Variants in ZDBF2 observed in about 807,000 individuals in gnomAD.
The protein encoded by ZDBF2 is DBF4-type zinc finger-containing protein 2.
Under a neutral mutation model 9.4 loss-of-function variants are expected in ZDBF2, and 6 were observed. The ratio of observed to expected loss-of-function variants is 0.64; its 90% CI spans 0.35 to 1.27. ZDBF2 has a LOEUF of 1.27. Among genes scored for constraint, ZDBF2 ranks in the 50% most tolerant of loss-of-function variants. The pLI is 0.03. For synonymous variants in ZDBF2, 905 were observed against 946.3 expected, an observed-to-expected ratio of 0.96 and a Z score of 0.80; for missense variants, 2,697 against 2,766.8, an observed-to-expected ratio of 0.97 and a Z score of 0.57.
chr2:206,310,300 G>A lies in ZDBF2; in HGVS notation c.5772G>A (p.Glu1924=). 1 of 1,613,930 alleles carries A rather than the reference G, an allele frequency of 6.2e-7. No individual in the cohort carries two copies. Among genetic ancestry groups the A allele is most frequent in the Non-Finnish European group, 8.5e-7 (1 of 1,179,884 alleles). ...CATGCCATCGTCATCCTCCAGCAGA[G>A]AGGCCTCCTAAGCAAAAGGGGCGTG... ...DKPCHRHPPA[E]RPPKQKGRVA... is the part of the protein sequence containing the mutation. The change falls in exon 5 of 5, where the codon GAG becomes GAA. Residue 1924 remains glutamate (E), a synonymous_variant. Transcript: ENST00000374423.
chr2:206,283,692 C>T (rs1175030226), intron 3 of ZDBF2, among the ~76,000 whole-genome samples: 3 of 151,974 alleles, frequency 2.0e-5, no homozygotes, highest in African/African-American at 7.3e-5. Flanking sequence ...GAGACAGGGT[C>T]TTGCATTATT....
rs1394467539 is a variant in ZDBF2, at chr2:206,281,881, G to A, written c.32G>A (p.Cys11Tyr). The A allele has an allele frequency of 6.2e-7, 1 of 1,613,318 alleles. No individual in the cohort carries two copies. The highest frequency in any genetic ancestry group is 8.5e-7 in the Non-Finnish European group (1 of 1,179,590). The part of the protein sequence containing the change: MQKRQGYCSY[C>Y]RVQYNNLEQH... ...AAAAGACAAGGATATTGCAGTTATT[G>A]CCGTGTGCAGTATAATAACCTGGAA... The change falls in exon 3 of 5, where the codon TGC becomes TAC. Residue 11 changes from cysteine (C) to tyrosine (Y), a missense_variant. Physicochemically the swap from Cys to Tyr is radical, Grantham distance 194. Around this residue, in one of 3 missense-constraint regions of ZDBF2, gnomAD observed 910 missense variants for 973.6 expected, o/e 0.93. Coordinates refer to ENST00000374423, the MANE Select transcript of ZDBF2 (RefSeq NM_020923.3).
chr2:206,305,307 A>G lies in ZDBF2; in HGVS notation c.779A>G (p.Lys260Arg), dbSNP rs1212593827. Residue 260 changes from lysine to arginine, a missense_variant, in exon 5 of 5, where the codon AAA becomes AGA. Around this residue, in one of 3 missense-constraint regions of ZDBF2, gnomAD observed 910 missense variants for 973.6 expected, o/e 0.93. Coordinates refer to ENST00000374423, the MANE Select transcript of ZDBF2 (RefSeq NM_020923.3). ...SYQKHKESNR[K>R]SLRMNSDKLV... ...CAGAAACATAAAGAATCAAATAGGA[A>G]ATCTTTACGCATGAATTCAGATAAG... The G allele has an allele frequency of 6.2e-7, 1 of 1,612,570 alleles. No homozygotes were observed. Among genetic ancestry groups the G allele is most frequent in the African/African-American group, 1.3e-5 (1 of 74,998 alleles).
intron 1 of ZDBF2, among the ~76,000 whole-genome samples, chr2:206,275,507 T>A (rs1344359241): frequency 6.6e-6 from 1 of 152,188 alleles, no homozygotes; most frequent in Non-Finnish European, 1.5e-5. Context: ...GTTGTGTAAA[T>A]GTGGTCGTGT....
intron 3 of ZDBF2, among the ~76,000 whole-genome samples, chr2:206,290,545 A>G (rs934704114): frequency 1.3e-5 from 2 of 152,172 alleles, no homozygotes; most frequent in African/African-American, 2.4e-5. Flanking sequence ...GTAATTTTCA[A>G]TGTGCAAGTT....
intron 3 of ZDBF2, among the ~76,000 whole-genome samples, chr2:206,295,345 T>A (rs1468310429): frequency 1.4e-5 from 2 of 146,044 alleles, no homozygotes; most frequent in Non-Finnish European, 3.0e-5. Context: ...CTCTAATTCT[T>A]TTTTTTTCTT....
chr2:206,309,278 T>TGTAATTGTAAAGCCTCTACTCCC lies in ZDBF2; in HGVS notation c.4751_4773dup (p.Ser1592ValfsTer10). 2 of 1,611,740 alleles carry TGTAATTGTAAAGCCTCTACTCCC rather than the reference T, an allele frequency of 1.2e-6. No homozygotes were observed. The highest frequency in any genetic ancestry group is 1.7e-6 in the Non-Finnish European group (2 of 1,178,878). On this transcript the variant is annotated frameshift_variant, in exon 5 of 5. Coordinates refer to ENST00000374423, the MANE Select transcript of ZDBF2 (RefSeq NM_020923.3). LOFTEE classifies it low-confidence loss of function (END_TRUNC). ...TGACTTTTTTGGTTCTGAAGTCAGA[T>TGTAATTGTAAAGCCTCTACTCCC]GTAATTGTAAAGCCTCTACTCCCTC... is the stretch of plus-strand genomic sequence containing the variant.
At position 206,308,313 on chromosome 2, in the gene ZDBF2, A is replaced by T. The variant is rs768986379; in HGVS notation, c.3785A>T (p.Lys1262Met). The change falls in exon 5 of 5, where the codon AAG (lysine) becomes ATG (methionine). Residue 1262 changes from lysine (K) to methionine (M), a missense_variant. Physicochemically the swap from Lys to Met is moderately conservative, Grantham distance 95. Transcript: ENST00000374423. ...GCTGGCCAACCTGAAGAAGTAGTTA[A>T]GGAGGTCAGTCTTTGGAAAGAGCAT... ...PVAGQPEEVV[K>M]EVSLWKEHVD... The T allele has an allele frequency of 6.2e-7, 1 of 1,613,902 alleles. No homozygotes were observed. The highest frequency in any genetic ancestry group is 1.1e-5 in the South Asian group (1 of 91,058).
Position 206,311,101 on chromosome 2 carries a change from C to G in ZDBF2, c.6573C>G (p.Pro2191=). The G allele has an allele frequency of 6.2e-7, 1 of 1,613,008 alleles. No homozygotes were observed. Among genetic ancestry groups the G allele is most frequent in the Middle Eastern group, 1.7e-4 (1 of 6,050 alleles). Residue 2191 remains proline, a synonymous_variant, in exon 5 of 5, where the codon CCC becomes CCG. Coordinates refer to ENST00000374423, the MANE Select transcript of ZDBF2 (RefSeq NM_020923.3). ...CTAGTAGTAATAAGCTAGGTTTTCC[C>G]AAAAAGGTTTATAAACCAATTATTC... ...VTTSSNKLGF[P]KKVYKPIILQ... is the part of the protein sequence containing the mutation.
At chr2:206,280,770 G>A (rs971000479) in intron 2 of ZDBF2, among the ~76,000 whole-genome samples, 6 of 151,980 alleles carry the variant, frequency 3.9e-5, no homozygotes, top group Admixed American at 1.3e-4. Context: ...TGGTTTTAAG[G>A]CTGTGATTTC....
chr2:206,311,303 C>A lies in ZDBF2; in HGVS notation c.6775C>A (p.Leu2259Ile), dbSNP rs1368228630. Residue 2259 changes from leucine (L) to isoleucine (I), a missense_variant, in exon 5 of 5, where the codon CTA (leucine) becomes ATA (isoleucine). Leu to Ile is a conservative substitution (Grantham distance 5). This residue lies in a region of ZDBF2 where 1,783 missense variants were observed against 1,776.5 expected (regional missense o/e 1.00). Transcript: ENST00000374423. ...LKKKKSVVSRLKKAKRTAKVL... is the reference protein window; with the variant it reads ...LKKKKSVVSRIKKAKRTAKVL... ...GAAGAAAAAATCTGTTGTCAGTAGGCTAAAGAAGGCGAAGAGAACAGCTAA... is the reference window on the plus strand; with the variant it reads ...GAAGAAAAAATCTGTTGTCAGTAGGATAAAGAAGGCGAAGAGAACAGCTAA... 4 of 1,605,806 alleles carry A rather than the reference C, an allele frequency of 2.5e-6. No individual in the cohort carries two copies. The highest frequency in any genetic ancestry group is 3.4e-6 in the Non-Finnish European group (4 of 1,175,560).
chr2:206,305,050 A>C lies in ZDBF2; in HGVS notation c.522A>C (p.Arg174Ser), dbSNP rs373555438. ...ATATTGGTCAGGCTACAAATAATAG[A>C]AGCAACTTGGTACGCCCCCCAGTGA... ...LVDIGQATNN[R>S]SNLVRPPVIC... The change falls in exon 5 of 5, where the codon AGA becomes AGC. Residue 174 changes from arginine (R) to serine (S), a missense_variant. Arg to Ser is a moderately radical substitution (Grantham distance 110, BLOSUM62 -1). Around this residue, in one of 3 missense-constraint regions of ZDBF2, gnomAD observed 910 missense variants for 973.6 expected, o/e 0.93. Coordinates refer to ENST00000374423, the MANE Select transcript of ZDBF2 (RefSeq NM_020923.3). 2.5e-6 allele frequency: 4 copies of C among 1,613,768 alleles called. No individual in the cohort carries two copies. The East Asian group carries it at 6.7e-5, about 27-fold the overall frequency.
Position 206,305,322 on chromosome 2 carries a change from A to C in ZDBF2, c.794A>C (p.Asn265Thr). The change falls in exon 5 of 5, where the codon AAT (asparagine) becomes ACT (threonine). Residue 265 changes from asparagine (N) to threonine (T), a missense_variant. Asn to Thr is a moderately conservative substitution (Grantham distance 65). Around this residue, in one of 3 missense-constraint regions of ZDBF2, gnomAD observed 910 missense variants for 973.6 expected, o/e 0.93. Transcript: ENST00000374423. ...TCAAATAGGAAATCTTTACGCATGA[A>C]TTCAGATAAGTTGGTTTTGTGGAAA... ...KESNRKSLRM[N>T]SDKLVLWKDV... 6.2e-7 allele frequency: 1 copy of C among 1,612,310 alleles called. No homozygotes were observed. The highest frequency in any genetic ancestry group is 8.5e-7 in the Non-Finnish European group (1 of 1,179,216).
intron 3 of ZDBF2, among the ~76,000 whole-genome samples, chr2:206,284,658 G>T (rs974644391): frequency 2.0e-5 from 3 of 152,044 alleles, no homozygotes; most frequent in Non-Finnish European, 4.4e-5. Flanking sequence ...AGTTTTACGA[G>T]CACAACTTTG....
Position 206,309,640 on chromosome 2 carries a change from G to A in ZDBF2, c.5112G>A (p.Gln1704=). ...RNAGLKGKSC[Q]SSASAVDFGA... ...CTGGCCTAAAAGGTAAGAGCTGTCA[G>A]TCTAGTGCTTCTGCAGTGGATTTTG... The change falls in exon 5 of 5, where the codon CAG becomes CAA. Residue 1704 remains glutamine (Q), a synonymous_variant. Coordinates refer to ENST00000374423, the MANE Select transcript of ZDBF2 (RefSeq NM_020923.3). The A allele has an allele frequency of 6.2e-7, 1 of 1,613,960 alleles. No individual in the cohort carries two copies. The highest frequency in any genetic ancestry group is 1.1e-5 in the South Asian group (1 of 91,082).
intron 4 of ZDBF2, among the ~76,000 whole-genome samples, chr2:206,301,875 A>G (rs927727642): frequency 6.6e-6 from 1 of 150,936 alleles, no homozygotes; most frequent in African/African-American, 2.4e-5. Context: ...GTATTTATGA[A>G]TTCTTTTCTT....
intron 4 of ZDBF2, among the ~76,000 whole-genome samples, chr2:206,302,162 C>T (rs1358498446): frequency 6.6e-6 from 1 of 151,904 alleles, no homozygotes; most frequent in African/African-American, 2.4e-5. Context: ...ACATGTACCA[C>T]CATGCCTGGC....
chr2:206,304,220 C>T (rs978720456), intron 4 of ZDBF2, among the ~76,000 whole-genome samples: 4 of 152,142 alleles, frequency 2.6e-5, no homozygotes, highest in Non-Finnish European at 4.4e-5. Context: ...TCCTTACACC[C>T]GCACCAAAAC....
chr2:206,293,594 A>G (rs1692011420), intron 3 of ZDBF2, among the ~76,000 whole-genome samples: 1 of 152,214 alleles, frequency 6.6e-6, no homozygotes, highest in Non-Finnish European at 1.5e-5. Flanking sequence ...AAGAGACAGA[A>G]CATCCATTTG....
Sources: allele counts gnomAD v4.1 joint callset (sites outside exome capture counted in the v4.1 genomes callset), GRCh38; gene constraint gnomAD v4.1.1; regional missense constraint gnomAD v4.1.1; transcripts MANE v1.5; gene names NCBI Gene and HGNC (gene_info 2026-07-23, HGNC 2026-07-21).